The following RGS7 variants were observed in gnomAD, a reference collection of about 807,000 sequenced individuals.
RGS7 encodes the protein regulator of G protein signaling 7, also known as regulator of G-protein signaling 7.
RGS7 carries 27 observed loss-of-function variants against 81.1 expected under a neutral mutation model. That is an observed-to-expected ratio of 0.33 (90% CI 0.25 to 0.46). The LOEUF (loss-of-function observed/expected upper bound fraction) is 0.46, where lower values mean the gene tolerates loss of function less well. Ranked by LOEUF, RGS7 falls within the 20% of genes least tolerant of loss-of-function variation. The pLI, the probability that RGS7 is intolerant of heterozygous loss-of-function variation, is 1.00. For synonymous variants in RGS7, 208 were observed against 207.7 expected (o/e 1.00, Z -0.01); for missense variants, 396 against 607.4 (o/e 0.65, Z 3.66).
chr1:241,314,282 T>C (rs1271743812), intron 2 of RGS7, among the ~76,000 whole-genome samples: 5 of 151,806 alleles, frequency 3.3e-5, no homozygotes, highest in Admixed American at 6.6e-5. Flanking sequence ...TTTGAAGAAA[T>C]TGCCACAGCC....
chr1:240,812,839 T>C (rs909744674), intron 13 of RGS7, among the ~76,000 whole-genome samples: 41 of 152,198 alleles, frequency 2.7e-4, no homozygotes, highest in Admixed American at 3.3e-4. Context: ...GATTCTGGTG[T>C]CAATTAAATC....
chr1:240,879,644 G>A (rs371376794), intron 6 of RGS7, among the ~76,000 whole-genome samples: 121 of 152,202 alleles, frequency 7.9e-4, no homozygotes, highest in African/African-American at 1.0e-3. Context: ...TTACCACTCC[G>A]TTAGTGGCCA....
chr1:241,226,901 G>A (rs2075339266), intron 2 of RGS7, among the ~76,000 whole-genome samples: 1 of 152,100 alleles, frequency 6.6e-6, no homozygotes, highest in Non-Finnish European at 1.5e-5. Flanking sequence ...TTGAAAATAG[G>A]TACTCCCCTC....
intron 2 of RGS7, among the ~76,000 whole-genome samples, chr1:241,330,634 A>G (rs887284671): frequency 6.6e-6 from 1 of 152,172 alleles, no homozygotes; most frequent in African/African-American, 2.4e-5. Flanking sequence ...TAAAAGTTCC[A>G]CTGTACACTC....
intron 3 of RGS7, among the ~76,000 whole-genome samples, chr1:241,062,314 A>G (rs1258607972): frequency 6.6e-6 from 1 of 152,172 alleles, no homozygotes; most frequent in Non-Finnish European, 1.5e-5. Flanking sequence ...TTTGCTTCAC[A>G]TCATCCTGCT....
chr1:240,863,399 G>A (rs749461307), intron 9 of RGS7, among the ~76,000 whole-genome samples: 29 of 152,148 alleles, frequency 1.9e-4, no homozygotes, highest in Admixed American at 4.6e-4. Context: ...TGCTTGAACC[G>A]GGGAGGTGGA....
At chr1:241,027,419 G>A (rs2059848387) in intron 3 of RGS7, among the ~76,000 whole-genome samples, 1 of 152,072 alleles carries the variant, frequency 6.6e-6, no homozygotes, top group Non-Finnish European at 1.5e-5. Flanking sequence ...CTTAAGTAGG[G>A]GAATAATGTG....
Position 241,353,982 on chromosome 1 carries a change from T to C in RGS7, c.78+1717A>G, listed in dbSNP as rs149973396. Among the ~76,000 whole-genome samples, 130 of 152,298 alleles carry C rather than the reference T, an allele frequency of 8.5e-4. 3 individuals are homozygous for C. In the South Asian group the frequency reaches 0.017, roughly 20 times the overall value. ...CACTAGTTGCTGCATATTTAGTTTA[T>C]TTCTAATGAAGATAACTATTAGGTG... On this transcript the variant is annotated intron_variant, in intron 2 of 18. Transcript: ENST00000440928.
chr1:241,082,534 T>C (rs765132258), intron 3 of RGS7, among the ~76,000 whole-genome samples: 35 of 152,192 alleles, frequency 2.3e-4, no homozygotes, highest in Non-Finnish European at 4.7e-4. Context: ...AAACAAATCA[T>C]TTCTCTAATT....
At chr1:241,222,824 C>A (rs1435714547) in intron 2 of RGS7, among the ~76,000 whole-genome samples, 2 of 151,028 alleles carry the variant, frequency 1.3e-5, no homozygotes, top group Non-Finnish European at 2.9e-5. Flanking sequence ...AGCCCCCCAC[C>A]CCCTGACAGG....
At chr1:240,784,440 A>G (rs1572063013) in intron 18 of RGS7, among the ~76,000 whole-genome samples, 1 of 151,638 alleles carries the variant, frequency 6.6e-6, no homozygotes, top group Non-Finnish European at 1.5e-5. Flanking sequence ...GGAGATTGAG[A>G]CCATCCTGGC....
intron 2 of RGS7, among the ~76,000 whole-genome samples, chr1:241,338,522 T>A (rs11805225): frequency 6.6e-6 from 1 of 152,050 alleles, no homozygotes; most frequent in Non-Finnish European, 1.5e-5. Context: ...TTTAAAAAAA[T>A]GTTTCTTCTT....
At chr1:240,924,897 G>T (rs897649150) in intron 6 of RGS7, among the ~76,000 whole-genome samples, 4 of 152,070 alleles carry the variant, frequency 2.6e-5, no homozygotes, top group Non-Finnish European at 5.9e-5. Flanking sequence ...TTTTAGTGCA[G>T]TATTTGAAAA....
intron 2 of RGS7, among the ~76,000 whole-genome samples, chr1:241,262,549 C>A (rs2077390830): frequency 6.6e-6 from 1 of 152,156 alleles, no homozygotes; most frequent in South Asian, 2.1e-4. Context: ...AGCTTTGAAG[C>A]AAAATGGAAA....
intron 4 of RGS7, among the ~76,000 whole-genome samples, chr1:240,957,801 G>T (rs1680697247): frequency 6.6e-6 from 1 of 152,106 alleles, no homozygotes; most frequent in African/African-American, 2.4e-5. Flanking sequence ...ACTATTTTGT[G>T]ATTTTTCTGT....
At chr1:241,327,100 A>AAGAAAG (rs1553320718) in intron 2 of RGS7, among the ~76,000 whole-genome samples, 3 of 91,430 alleles carry the variant, frequency 3.3e-5, no homozygotes, top group Admixed American at 1.0e-4. Flanking sequence ...GAAAGAAAGA[A>AAGAAAG]AGAAAGAAAG....
intron 2 of RGS7, among the ~76,000 whole-genome samples, chr1:241,299,827 A>G (rs937430085): frequency 2.0e-5 from 3 of 151,348 alleles, no homozygotes; most frequent in Non-Finnish European, 2.9e-5. Flanking sequence ...CTTTAAAAAA[A>G]AAAAAAGGCT....
chr1:240,886,891 A>G (rs435193), intron 6 of RGS7, among the ~76,000 whole-genome samples: 71,572 of 151,890 alleles, frequency 0.47, 17,019 homozygotes, highest in East Asian at 0.53. Context: ...GCCATGTGGT[A>G]TAATAGAAGG....
intron 2 of RGS7, among the ~76,000 whole-genome samples, chr1:241,287,397 T>C (rs769572076): frequency 1.3e-5 from 2 of 152,144 alleles, no homozygotes; most frequent in African/African-American, 2.4e-5. Context: ...CGAGATCTGA[T>C]GGTTTTATAA....
Sources: allele counts gnomAD v4.1 joint callset (sites outside exome capture counted in the v4.1 genomes callset), GRCh38; gene constraint gnomAD v4.1.1; transcripts MANE v1.5; gene names NCBI Gene and HGNC (gene_info 2026-07-23, HGNC 2026-07-21).